Variants in SSH1 observed in about 807,000 individuals in gnomAD.
SSH1 encodes slingshot protein phosphatase 1, also known as protein phosphatase Slingshot homolog 1.
SSH1 carries 43 observed loss-of-function variants against 79.7 expected under a neutral mutation model. That is an observed-to-expected ratio of 0.54 (90% CI 0.42 to 0.70). SSH1 has a LOEUF of 0.70. SSH1 is among the 30% of genes least tolerant of loss of function. The probability of loss-of-function intolerance (pLI) is 0.00; values close to 1 mark genes in which losing one functional copy is unlikely to be tolerated. For synonymous variants in SSH1, 599 were observed against 538.3 expected (o/e 1.11, Z -1.56); for missense variants, 1,206 against 1,358.8 (o/e 0.89, Z 1.77).
chr12:108,823,932 T>C (rs374337158), intron 2 of SSH1, among the ~76,000 whole-genome samples: 1 of 152,096 alleles, frequency 6.6e-6, no homozygotes, highest in East Asian at 1.9e-4. Context: ...CCTCCTGGAG[T>C]GCTGTGATTA....
chr12:108,846,057 G>T (rs578234357), intron 2 of SSH1, among the ~76,000 whole-genome samples: 23 of 152,350 alleles, frequency 1.5e-4, no homozygotes, highest in Admixed American at 1.4e-3. Context: ...TCAAAAGGCT[G>T]TAGGGAGAAT....
rs977200647 is a variant in SSH1, at chr12:108,787,635, C to T, written c.*353G>A. On this transcript the variant is annotated 3_prime_UTR_variant, in exon 15 of 15. Transcript: ENST00000326495. ...AACGTGTGCCGCGGTGAGGCTGCCA[C>T]CACCAGGACTCTTCTGCAGGATGCG... 15 of 289,134 alleles carry T rather than the reference C, an allele frequency of 5.2e-5. No homozygotes were observed. Among genetic ancestry groups the T allele is most frequent in the Non-Finnish European group, 1.0e-4 (15 of 150,580 alleles). 17.9% of individuals were successfully genotyped at this position (289,134 alleles called of 1,614,324 possible).
chr12:108,805,270 G>A, intron 9 of SSH1, 86 bp from the exon 10 acceptor site: 5 of 1,499,966 alleles, frequency 3.3e-6, no homozygotes, highest in Non-Finnish European at 4.6e-6. Context: ...AATGGAAACT[G>A]TGCCTATTTC....
At chr12:108,837,488 G>C (rs970893739) in intron 2 of SSH1, among the ~76,000 whole-genome samples, 6 of 152,096 alleles carry the variant, frequency 3.9e-5, no homozygotes, top group African/African-American at 1.4e-4. Context: ...AGAATGCCCT[G>C]GTCTGTATTC....
intron 12 of SSH1, among the ~76,000 whole-genome samples, chr12:108,800,022 A>T (rs1173049459): frequency 2.0e-5 from 3 of 152,146 alleles, no homozygotes; most frequent in Non-Finnish European, 2.9e-5. Flanking sequence ...TTTCCCCCTA[A>T]CTGCTGGTCT....
chr12:108,832,642 C>T (rs1269189717), intron 2 of SSH1, among the ~76,000 whole-genome samples: 1 of 152,158 alleles, frequency 6.6e-6, no homozygotes, highest in Non-Finnish European at 1.5e-5. Context: ...GACTGCAGGT[C>T]GGATGGAAAA....
intron 2 of SSH1, among the ~76,000 whole-genome samples, chr12:108,833,277 G>A (rs1409056988): frequency 6.6e-6 from 1 of 151,876 alleles, no homozygotes; most frequent in Non-Finnish European, 1.5e-5. Context: ...TGGAGCTAAT[G>A]CATCTTCCTC....
chr12:108,851,458 T>C (rs2039038257), intron 2 of SSH1, among the ~76,000 whole-genome samples: 1 of 152,208 alleles, frequency 6.6e-6, no homozygotes, highest in Non-Finnish European at 1.5e-5. Flanking sequence ...ACAGACTATT[T>C]TTTTTTAAAG....
chr12:108,857,530 C>G lies in SSH1; in HGVS notation c.-34G>C. 1 of 1,098,040 alleles carries G rather than the reference C, an allele frequency of 9.1e-7. No homozygotes were observed. Among genetic ancestry groups the G allele is most frequent in the Non-Finnish European group, 1.1e-6 (1 of 887,550 alleles). 68.0% of individuals were successfully genotyped at this position (1,098,040 alleles called of 1,614,324 possible). ...CGCGGTGCGAGGGCGCCACAGACGT[C>G]TCGAGCTAGAGCCGCCACCGCCACC... is the stretch of plus-strand genomic sequence containing the variant. On this transcript the variant is annotated 5_prime_UTR_variant, in exon 1 of 15. Coordinates refer to ENST00000326495, the MANE Select transcript of SSH1 (RefSeq NM_018984.4). The surrounding 1 kb of genome is among the most constrained non-coding windows in gnomAD (Gnocchi z 4.7).
At chr12:108,811,127 G>A in intron 6 of SSH1, 133 bp downstream of exon 6, 1 of 848,494 alleles carries the variant, frequency 1.2e-6, no homozygotes, top group Non-Finnish European at 2.0e-6. Flanking sequence ...AGGGCAATAT[G>A]ATTTCTCCCG....
chr12:108,789,278 G>C, intron 14 of SSH1, 34 bp from the exon 15 acceptor site: 2 of 1,568,088 alleles, frequency 1.3e-6, no homozygotes, highest in Non-Finnish European at 1.7e-6. Context: ...TGGTGAGACG[G>C]TGCAGTCATG....
At position 108,789,338 on chromosome 12, in the gene SSH1, G is replaced by A. The variant is rs954368751; in HGVS notation, c.1894-94C>T. On this transcript the variant is annotated intron_variant, in intron 14 of 14. Transcript: ENST00000326495. Reference sequence around the variant, plus strand: ...TGGGCAGGGAAAGGGGTGCGAGGCCGGACTGGGGGCCAGGCCTGGAGGGGA... The same window carrying A: ...TGGGCAGGGAAAGGGGTGCGAGGCCAGACTGGGGGCCAGGCCTGGAGGGGA... The A allele has an allele frequency of 1.6e-5, 21 of 1,328,262 alleles. No homozygotes were observed. In the Admixed American group the frequency reaches 1.6e-4, roughly 10 times the overall value. The allele number at this position is 1,328,262 out of a possible 1,614,324, so 82.3% of individuals were successfully genotyped here.
chr12:108,851,025 C>A (rs1296680986), intron 2 of SSH1, among the ~76,000 whole-genome samples: 5 of 152,028 alleles, frequency 3.3e-5, no homozygotes, highest in East Asian at 1.9e-4. Flanking sequence ...CCCATGACTG[C>A]CCCCATTGGG....
chr12:108,841,779 A>G (rs1200248157), intron 2 of SSH1, among the ~76,000 whole-genome samples: 1 of 151,964 alleles, frequency 6.6e-6, no homozygotes, highest in East Asian at 1.9e-4. Flanking sequence ...ACTGCACTCC[A>G]GCCTGGTGAC....
At chr12:108,811,504 T>A in intron 5 of SSH1, 176 bp from the exon 6 acceptor site, 1 of 675,936 alleles carries the variant, frequency 1.5e-6, no homozygotes, top group South Asian at 1.6e-5. Flanking sequence ...GATGGCCCTG[T>A]GGACACAACT....
intron 13 of SSH1, 103 bp downstream of exon 13, chr12:108,798,897 G>T (rs545921227): frequency 7.2e-7 from 1 of 1,383,626 alleles, no homozygotes; most frequent in Non-Finnish European, 1.0e-6. Context: ...CGGCTGCTGG[G>T]CCGAATGGGA....
At chr12:108,840,114 C>T (rs938289060) in intron 2 of SSH1, among the ~76,000 whole-genome samples, 8 of 152,224 alleles carry the variant, frequency 5.3e-5, no homozygotes, top group African/African-American at 1.9e-4. Flanking sequence ...TCTGCCCCCA[C>T]ACTGCAGGCT....
chr12:108,803,876 AT>A (rs2037143220), intron 10 of SSH1, among the ~76,000 whole-genome samples: 1 of 152,226 alleles, frequency 6.6e-6, no homozygotes. Context: ...ATTAAAAAAT[AT>A]ACATATCTAC....
At chr12:108,808,468 C>T (rs1163194088) in intron 7 of SSH1, among the ~76,000 whole-genome samples, 1 of 152,218 alleles carries the variant, frequency 6.6e-6, no homozygotes, top group Non-Finnish European at 1.5e-5. Flanking sequence ...AGGTGGTTCA[C>T]GGGTTATTTT....
Sources: allele counts gnomAD v4.1 joint callset (sites outside exome capture counted in the v4.1 genomes callset), GRCh38; gene constraint gnomAD v4.1.1; non-coding constraint Gnocchi (gnomAD v3.1); transcripts MANE v1.5; gene names NCBI Gene and HGNC (gene_info 2026-07-23, HGNC 2026-07-21).